Variants in GPBP1L1 observed in about 807,000 individuals in gnomAD.
GPBP1L1 encodes the protein GC-rich promoter binding protein 1 like 1.
A neutral mutation model predicts 52.5 loss-of-function variants in GPBP1L1; 23 were observed. The observed-to-expected ratio is 0.44, with a 90% confidence interval of 0.32 to 0.62. The LOEUF (loss-of-function observed/expected upper bound fraction) is 0.62. Among genes scored for constraint, GPBP1L1 ranks in the 20% least tolerant of loss-of-function variants. The pLI is 0.06. For missense variants in GPBP1L1, 596 were observed against 579.3 expected (o/e 1.03, Z -0.30); for synonymous variants, 243 against 203.1 (o/e 1.20, Z -1.67).
At chr1:45,659,265 G>T in intron 3 of GPBP1L1, 123 bp from the exon 4 acceptor site, 1 of 604,320 alleles carries the variant, frequency 1.7e-6, no homozygotes, top group East Asian at 2.9e-5. Context: ...CCTGTCTACA[G>T]ATTACTTACC....
rs1219120559 is a variant in GPBP1L1 at position 45,660,588 on chromosome 1, T to G, written c.-460A>C. On this transcript the variant is annotated 5_prime_UTR_variant, in exon 3 of 13. Transcript: ENST00000355105. ...AGTGCAAATACTGTTCATAACAAGG[T>G]CATAGCTAGAAAGACAGATGGGCTC... 4.1e-6 allele frequency: 4 copies of G among 983,720 alleles called. No individual in the cohort carries two copies. The Admixed American group carries it at 2.5e-4, about 61-fold the overall frequency. The allele number at this position is 983,720 out of a possible 1,614,324, so 60.9% of individuals were successfully genotyped here. A position where few individuals can be genotyped will look rare whatever the true frequency, so the allele number is the denominator to read the frequency against.
Position 45,628,141 on chromosome 1 carries a change from C to T in GPBP1L1, c.*115G>A. ...CTCTCTCTTTGGGATATGATTATTT[C>T]CCTTGTGAATGAAGTATTCAACAAC... On this transcript the variant is annotated 3_prime_UTR_variant, in exon 13 of 13. Transcript: ENST00000355105. The T allele has an allele frequency of 1.0e-6, 1 of 996,182 alleles. No homozygotes were observed. Among genetic ancestry groups the T allele is most frequent in the Middle Eastern group, 2.5e-4 (1 of 4,064 alleles). 61.7% of individuals were successfully genotyped at this position (996,182 alleles called of 1,614,324 possible). A position where few individuals can be genotyped will look rare whatever the true frequency, so the allele number is the denominator to read the frequency against.
chr1:45,678,649 G>C (rs1010568784), intron 2 of GPBP1L1, among the ~76,000 whole-genome samples: 3 of 152,180 alleles, frequency 2.0e-5, no homozygotes, highest in Non-Finnish European at 2.9e-5. Flanking sequence ...TCCAGGTTAA[G>C]TGACACAGTC....
chr1:45,673,159 G>A (rs960720562), intron 2 of GPBP1L1, among the ~76,000 whole-genome samples: 1 of 152,142 alleles, frequency 6.6e-6, no homozygotes, highest in African/African-American at 2.4e-5. Context: ...AGTGAAGACT[G>A]GCCTTCAGCA....
chr1:45,639,778 G>A (rs1644646844), intron 8 of GPBP1L1, among the ~76,000 whole-genome samples: 1 of 152,086 alleles, frequency 6.6e-6, no homozygotes, highest in South Asian at 2.1e-4. Flanking sequence ...CTACTCGGGA[G>A]GCTGAGGAAG....
chr1:45,668,216 A>G (rs1439973078), intron 2 of GPBP1L1, among the ~76,000 whole-genome samples: 1 of 152,226 alleles, frequency 6.6e-6, no homozygotes, highest in Non-Finnish European at 1.5e-5. Flanking sequence ...GGCATAAATA[A>G]GTTTGCAGAG....
intron 6 of GPBP1L1, among the ~76,000 whole-genome samples, chr1:45,643,458 G>A (rs1644700196): frequency 6.6e-6 from 1 of 152,046 alleles, no homozygotes; most frequent in African/African-American, 2.4e-5. Flanking sequence ...ATGGATCTGA[G>A]GTATTTAAAC....
rs1333385559 is a variant in GPBP1L1, at chr1:45,627,625, A to C, written c.*631T>G. 6.6e-6 allele frequency: 1 copy of C among 152,522 alleles called. No individual in the cohort carries two copies. The highest frequency in any genetic ancestry group is 1.9e-4 in the East Asian group (1 of 5,206). 9.4% of individuals were successfully genotyped at this position (152,522 alleles called of 1,614,324 possible). A position where few individuals can be genotyped will look rare whatever the true frequency, so the allele number is the denominator to read the frequency against. ...ATCTTAATCTTTGAAATCTCACAAAAATTTATATTTTACAATCCACCCTGA... is the reference window on the plus strand; with the variant it reads ...ATCTTAATCTTTGAAATCTCACAAACATTTATATTTTACAATCCACCCTGA... On this transcript the variant is annotated 3_prime_UTR_variant, in exon 13 of 13. Transcript: ENST00000355105.
At chr1:45,641,282 G>GA (rs1452312451) in intron 7 of GPBP1L1, among the ~76,000 whole-genome samples, 4 of 152,078 alleles carry the variant, frequency 2.6e-5, no homozygotes, top group African/African-American at 2.4e-5. Flanking sequence ...AAGAAACCAG[G>GA]AGAGTCCAAT....
chr1:45,633,729 G>C (rs1044486894), intron 9 of GPBP1L1, 82 bp from the exon 10 acceptor site: 2 of 1,352,238 alleles, frequency 1.5e-6, no homozygotes, highest in Admixed American at 4.5e-5. Context: ...CTGACTTCAA[G>C]AATCTGGTAG....
intron 6 of GPBP1L1, among the ~76,000 whole-genome samples, chr1:45,648,857 G>T (rs1487870496): frequency 6.6e-6 from 1 of 151,970 alleles, no homozygotes; most frequent in Non-Finnish European, 1.5e-5. Context: ...GCGAAATCCC[G>T]CCTCTACTAA....
intron 7 of GPBP1L1, among the ~76,000 whole-genome samples, chr1:45,641,077 T>C (rs749767889): frequency 6.6e-6 from 1 of 151,410 alleles, no homozygotes; most frequent in South Asian, 2.1e-4. Flanking sequence ...AGCATGAGAA[T>C]AGAGAGATGA....
chr1:45,629,806 C>G, intron 11 of GPBP1L1, 128 bp from the exon 12 acceptor site: 1 of 653,130 alleles, frequency 1.5e-6, no homozygotes, highest in African/African-American at 1.8e-5. Flanking sequence ...TTTTGTTTTC[C>G]TCCCTGTGGG....
rs553596379 is a variant in GPBP1L1 at position 45,649,144 on chromosome 1, A to G, written c.477+5399T>C. On this transcript the variant is annotated intron_variant, in intron 6 of 12. Coordinates refer to ENST00000355105, the MANE Select transcript of GPBP1L1 (RefSeq NM_021639.5). ...ACACTCAAAAAGTTTTAGACTGCAG[A>G]TGCTCAACCTGTATTAATATTTCAC... Among the ~76,000 whole-genome samples the G allele has an allele frequency of 2.0e-5, 3 of 152,348 alleles. 1 individual carries two copies. Among genetic ancestry groups the G allele is most frequent in the Middle Eastern group, 6.8e-3 (2 of 294 alleles).
intron 4 of GPBP1L1, among the ~76,000 whole-genome samples, chr1:45,658,200 A>C (rs960251638): frequency 6.6e-6 from 1 of 152,212 alleles, no homozygotes; most frequent in Non-Finnish European, 1.5e-5. Flanking sequence ...AATGCCTCTA[A>C]AACAGTTTCT....
At chr1:45,665,901 C>T (rs1479080956) in intron 2 of GPBP1L1, among the ~76,000 whole-genome samples, 1 of 152,022 alleles carries the variant, frequency 6.6e-6, no homozygotes, top group Admixed American at 6.6e-5. Flanking sequence ...CCATCTGCCT[C>T]AGCCTCTCCT....
intron 2 of GPBP1L1, among the ~76,000 whole-genome samples, chr1:45,666,955 G>T (rs1335442276): frequency 1.3e-5 from 2 of 152,216 alleles, no homozygotes; most frequent in Non-Finnish European, 2.9e-5. Context: ...CACAAAAACT[G>T]TAAGTTGTAT....
intron 2 of GPBP1L1, among the ~76,000 whole-genome samples, chr1:45,671,223 T>TC (rs1645070724): frequency 6.8e-6 from 1 of 148,042 alleles, no homozygotes; most frequent in African/African-American, 2.5e-5. Flanking sequence ...TTTTTTTTTT[T>TC]TTTTTTGAGA....
intron 12 of GPBP1L1, among the ~76,000 whole-genome samples, chr1:45,629,154 A>ACTG (rs1644495886): frequency 6.6e-6 from 1 of 152,202 alleles, no homozygotes; most frequent in Non-Finnish European, 1.5e-5. Context: ...AATCCAAGCA[A>ACTG]CTGCTGGATA....
Sources: allele counts gnomAD v4.1 joint callset (sites outside exome capture counted in the v4.1 genomes callset), GRCh38; gene constraint gnomAD v4.1.1; transcripts MANE v1.5; gene names NCBI Gene and HGNC (gene_info 2026-07-23, HGNC 2026-07-21).